The following CPNE6 variants were observed in gnomAD, a reference collection of about 807,000 sequenced individuals.
CPNE6 encodes copine 6, also known as copine-6.
In CPNE6, 33 loss-of-function variants were observed where a neutral mutation model predicts 71.5. The ratio of observed to expected loss-of-function variants is 0.46; its 90% CI spans 0.35 to 0.62. The LOEUF (loss-of-function observed/expected upper bound fraction) is 0.62. Ranked by LOEUF, CPNE6 falls within the 20% of genes least tolerant of loss-of-function variation. The pLI, the probability that CPNE6 is intolerant of heterozygous loss-of-function variation, is 0.00. For synonymous variants in CPNE6, 296 were observed against 293.0 expected, an observed-to-expected ratio of 1.01 and a Z score of -0.10; for missense variants, 576 against 747.3, an observed-to-expected ratio of 0.77 and a Z score of 2.67.
intron 1 of CPNE6, 61 bp from the exon 1 acceptor site, chr14:24,071,501 G>GCGCCCC: frequency 3.6e-5 from 51 of 1,416,682 alleles, no homozygotes; most frequent in Non-Finnish European, 4.5e-5. Flanking sequence ...CTGGTGCTGC[G>GCGCCCC]CCCCCCCCCA....
Position 24,075,797 on chromosome 14 carries a change from C to T in CPNE6, c.865-30C>T. ...TCCCTCCTCAAAGGACCACCCCATC[C>T]CCTCGCCTTACCCCTCTCCCTACCT... On this transcript the variant is annotated intron_variant, in intron 10 of 17. Transcript: ENST00000397016. This position sits in a 1 kb window ranked among gnomAD's most constrained non-coding sequence, Gnocchi z 4.3. The T allele has an allele frequency of 1.2e-6, 2 of 1,606,898 alleles. No individual in the cohort carries two copies. The highest frequency in any genetic ancestry group is 2.2e-5 in the East Asian group (1 of 44,836).
rs775743002 is a variant in CPNE6 at position 24,072,925 on chromosome 14, C to A, written c.-4-8C>A. On this transcript the variant is annotated splice_region_variant and splice_polypyrimidine_tract_variant and intron_variant, in intron 2 of 17. Transcript: ENST00000397016. ...CCAGAGTCCAGGCCACCTGCTCTGT[C>A]CCCACAGTGACATGTCGGACCCTGA... 1.3e-6 allele frequency: 2 copies of A among 1,560,654 alleles called. No homozygotes were observed. Among genetic ancestry groups the A allele is most frequent in the South Asian group, 2.3e-5 (2 of 85,122 alleles).
At chr14:24,076,093 A>G (rs2036051948) in intron 11 of CPNE6, 56 bp from the exon 11 acceptor site, 9 of 1,596,678 alleles carry the variant, frequency 5.6e-6, no homozygotes. Flanking sequence ...GCTCTGGCCT[A>G]GGCAATCTGG....
exon 12 of CPNE6, chr14:24,076,151 G>A (rs751280491): frequency 1.7e-5 from 27 of 1,613,016 alleles, no homozygotes; most frequent in Non-Finnish European, 2.2e-5. Flanking sequence ...CCACCCAGGT[G>A]GCCATTGACT....
Position 24,077,512 on chromosome 14 carries a change from G to T in CPNE6, c.1537-81G>T, listed in dbSNP as rs1414328450. 3.8e-6 allele frequency: 6 copies of T among 1,584,992 alleles called. No homozygotes were observed. Among genetic ancestry groups the T allele is most frequent in the Non-Finnish European group, 5.2e-6 (6 of 1,156,988 alleles). On this transcript the variant is annotated intron_variant, in intron 16 of 17. Coordinates refer to ENST00000397016, the Ensembl canonical transcript of CPNE6. The surrounding 1 kb of genome is among the most constrained non-coding windows in gnomAD (Gnocchi z 6.1). The stretch of plus-strand genomic sequence containing the variant: ...ACGCGGGAGCCCAGCTGGCCACCCT[G>T]AAGCCCCACTTCTCCCTCAGATGAC...
Position 24,077,785 on chromosome 14 carries a change from C to G in CPNE6, c.*37+18C>G. Reference sequence around the variant, plus strand: ...GCCTCTCAGTGAGTCCTGGGGCTTCCAAAGGAGTGGACACAGGGGGTGCAA... The same window carrying G: ...GCCTCTCAGTGAGTCCTGGGGCTTCGAAAGGAGTGGACACAGGGGGTGCAA... On this transcript the variant is annotated intron_variant, in intron 17 of 17. Coordinates refer to ENST00000397016, the Ensembl canonical transcript of CPNE6. This position sits in a 1 kb window ranked among gnomAD's most constrained non-coding sequence, Gnocchi z 6.1. The G allele has an allele frequency of 6.8e-7, 1 of 1,475,812 alleles. No individual in the cohort carries two copies. 91.4% of individuals were successfully genotyped at this position (1,475,812 alleles called of 1,614,324 possible). A position where few individuals can be genotyped will look rare whatever the true frequency, so the allele number is the denominator to read the frequency against.
chr14:24,071,501 G>GCGGCC, intron 1 of CPNE6, 61 bp from the exon 1 acceptor site: 19 of 1,416,676 alleles, frequency 1.3e-5, no homozygotes, highest in Non-Finnish European at 1.7e-5. Flanking sequence ...CTGGTGCTGC[G>GCGGCC]CCCCCCCCCA....
In CPNE6 at chr14:24,076,570, A is replaced by AT. The variant is rs1267432460; in HGVS notation, c.1165+17dup. ...CCTGAATGTGAAGGTAAAAGGGGAG[A>AT]TTTTCACCTGCCCCGCCTCCCCGCA... On this transcript the variant is annotated intron_variant, in intron 14 of 17. Transcript: ENST00000397016. 6 of 1,613,630 alleles carry AT rather than the reference A, an allele frequency of 3.7e-6. No individual in the cohort carries two copies. In the Admixed American group the frequency reaches 1.0e-4, roughly 27 times the overall value.
chr14:24,076,458 G>T, intron 13 of CPNE6, 44 bp downstream of exon 12: 1 of 1,614,230 alleles, frequency 6.2e-7, no homozygotes, highest in East Asian at 2.2e-5. Context: ...GGGCGTGTCA[G>T]TCAGGCAGAA....
chr14:24,071,184 T>C (rs960039771), intron 1 of CPNE6: 4 of 1,012,882 alleles, frequency 3.9e-6, no homozygotes, highest in Non-Finnish European at 5.8e-6. Context: ...TGTCGTGGTG[T>C]CACAGTGAGT....
intron 2 of CPNE6, 127 bp from the exon 2 acceptor site, chr14:24,072,806 G>A (rs1275836640): frequency 8.7e-6 from 7 of 806,372 alleles, no homozygotes; most frequent in Non-Finnish European, 1.0e-5. Context: ...GGAAGCAGGA[G>A]GTCCGTGAGG....
chr14:24,077,368 T>A lies in CPNE6; in HGVS notation c.1514T>A (p.Val505Glu). 6.2e-7 allele frequency: 1 copy of A among 1,613,982 alleles called. No homozygotes were observed. Among genetic ancestry groups the A allele is most frequent in the Non-Finnish European group, 8.5e-7 (1 of 1,179,972 alleles). The change falls in exon 16 of 18, where the codon GTG (valine) becomes GAG (glutamate). Residue 505 changes from valine to glutamate, a missense_variant. Val to Glu is a moderately radical substitution (Grantham distance 121, BLOSUM62 -2). Coordinates refer to ENST00000397016, the Ensembl canonical transcript of CPNE6. This position sits in a 1 kb window ranked among gnomAD's most constrained non-coding sequence, Gnocchi z 6.1. The stretch of plus-strand genomic sequence containing the variant: ...GCAGCCCGAGACATTGTCCAGTTCG[T>A]GCCCTTCCGAGACTTCAAGGATGTG...
At chr14:24,071,378 C>T (rs1435434636) in intron 1 of CPNE6, 184 bp from the exon 1 acceptor site, 8 of 1,445,170 alleles carry the variant, frequency 5.5e-6, no homozygotes, top group Non-Finnish European at 7.2e-6. Flanking sequence ...TGTGGGGGTC[C>T]TGCCTCTAAG....
rs180738266 is a variant in CPNE6 at position 24,077,684 on chromosome 14, C to T, written c.1628C>T (p.Ala543Val). The stretch of plus-strand genomic sequence containing the variant: ...GCCAGCCAGGGCATCAGCCCTGGGG[C>T]TCCCAGGCCCTGCACACTGGCTACG... The change falls in exon 17 of 18, where the codon GCT becomes GTT. Residue 543 changes from alanine (A) to valine (V), a missense_variant. By Grantham distance (64) the Ala-to-Val change is moderately conservative. Coordinates refer to ENST00000397016, the Ensembl canonical transcript of CPNE6. The surrounding 1 kb of genome is among the most constrained non-coding windows in gnomAD (Gnocchi z 6.1). The T allele has an allele frequency of 2.5e-6, 4 of 1,579,254 alleles. No individual in the cohort carries two copies. The highest frequency in any genetic ancestry group is 4.5e-5 in the East Asian group (2 of 44,566).
Position 24,073,968 on chromosome 14 carries a change from G to A in CPNE6, c.349-83G>A, listed in dbSNP as rs2035980542. ...AAGTGCCAACCCTTGCAGACACTCA[G>A]AGCATTTATTATTCCATCCCTTGTA... On this transcript the variant is annotated intron_variant, in intron 4 of 17. Coordinates refer to ENST00000397016, the Ensembl canonical transcript of CPNE6. This position sits in a 1 kb window ranked among gnomAD's most constrained non-coding sequence, Gnocchi z 5.5. 1 of 1,289,144 alleles carries A rather than the reference G, an allele frequency of 7.8e-7. No homozygotes were observed. Among genetic ancestry groups the A allele is most frequent in the African/African-American group, 1.5e-5 (1 of 68,536 alleles). 79.9% of individuals were successfully genotyped at this position (1,289,144 alleles called of 1,614,324 possible). A position where few individuals can be genotyped will look rare whatever the true frequency, so the allele number is the denominator to read the frequency against.
Position 24,077,413 on chromosome 14 carries a change from G to C in CPNE6, c.1536+23G>C. 1 of 1,605,668 alleles carries C rather than the reference G, an allele frequency of 6.2e-7. No individual in the cohort carries two copies. The highest frequency in any genetic ancestry group is 8.5e-7 in the Non-Finnish European group (1 of 1,172,790). On this transcript the variant is annotated intron_variant, in intron 16 of 17. Coordinates refer to ENST00000397016, the Ensembl canonical transcript of CPNE6. The surrounding 1 kb of genome is among the most constrained non-coding windows in gnomAD (Gnocchi z 6.1). ...GATGTGAGTCCCCCGGGCCCCTTCC[G>C]GCTGAAGGACTCCTCAGCTTCTCAT...
rs752049882 is a variant in CPNE6 at position 24,075,376 on chromosome 14, G to C, written c.777+100G>C. The C allele has an allele frequency of 3.9e-4, 543 of 1,385,162 alleles. No homozygotes were observed. The highest frequency in any genetic ancestry group is 7.6e-5 in the Non-Finnish European group (74 of 973,998). The allele number at this position is 1,385,162 out of a possible 1,614,324, so 85.8% of individuals were successfully genotyped here. On this transcript the variant is annotated intron_variant, in intron 9 of 17. Coordinates refer to ENST00000397016, the Ensembl canonical transcript of CPNE6. This position sits in a 1 kb window ranked among gnomAD's most constrained non-coding sequence, Gnocchi z 4.3. ...ACCATAGGTGATAGGAAGTGGAGAGGGTGGAAAGCACCTGGGCTCAGCTGA... is the reference window on the plus strand; with the variant it reads ...ACCATAGGTGATAGGAAGTGGAGAGCGTGGAAAGCACCTGGGCTCAGCTGA...
Position 24,075,219 on chromosome 14 carries a change from C to T in CPNE6, c.720C>T (p.Gly240=), listed in dbSNP as rs2036022451. 6.2e-7 allele frequency: 1 copy of T among 1,614,088 alleles called. No individual in the cohort carries two copies. Among genetic ancestry groups the T allele is most frequent in the Non-Finnish European group, 8.5e-7 (1 of 1,180,026 alleles). The change falls in exon 9 of 18, where the codon GGC becomes GGT. Residue 240 remains glycine, a synonymous_variant. Coordinates refer to ENST00000397016, the Ensembl canonical transcript of CPNE6. The surrounding 1 kb of genome is among the most constrained non-coding windows in gnomAD (Gnocchi z 4.3). ...CCAGTGGGAAGCATGACTTCATCGGCGAGTTCACCAGCACTTTCCAGGAGA... is the reference window on the plus strand; with the variant it reads ...CCAGTGGGAAGCATGACTTCATCGGTGAGTTCACCAGCACTTTCCAGGAGA...
At chr14:24,071,331 G>A in intron 1 of CPNE6, 1 of 1,436,178 alleles carries the variant, frequency 7.0e-7, no homozygotes, top group Non-Finnish European at 9.1e-7. Flanking sequence ...TCTGGGTGTG[G>A]GTGTAGTGTG....
Sources: allele counts gnomAD v4.1 joint callset, GRCh38; gene constraint gnomAD v4.1.1; non-coding constraint Gnocchi (gnomAD v3.1); transcripts MANE v1.5; gene names NCBI Gene and HGNC (gene_info 2026-07-23, HGNC 2026-07-21).